Variants in CDK8 observed in about 807,000 individuals in gnomAD.
CDK8 encodes cyclin dependent kinase 8.
In CDK8, 29 loss-of-function variants were observed where a neutral mutation model predicts 71.5. The observed-to-expected ratio is 0.41, with a 90% confidence interval of 0.30 to 0.55. The LOEUF (loss-of-function observed/expected upper bound fraction) is 0.55, where lower values mean the gene tolerates loss of function less well. CDK8 is among the 20% of genes least tolerant of loss of function. The pLI is 0.37. For synonymous variants in CDK8, 161 were observed against 192.1 expected (o/e 0.84, Z 1.34); for missense variants, 288 against 572.6 (o/e 0.50, Z 5.07).
intron 4 of CDK8, among the ~76,000 whole-genome samples, chr13:26,370,069 T>C (rs1166389601): frequency 6.6e-6 from 1 of 152,212 alleles, no homozygotes; most frequent in Non-Finnish European, 1.5e-5. Context: ...GCAGATAGTT[T>C]CACTGTTGCT....
At chr13:26,362,529 A>G (rs1874196641) in intron 4 of CDK8, among the ~76,000 whole-genome samples, 1 of 152,164 alleles carries the variant, frequency 6.6e-6, no homozygotes, top group Non-Finnish European at 1.5e-5. Context: ...GATTTCCAAG[A>G]GCAGGAGAAG....
chr13:26,382,088 C>T (rs186412851), intron 4 of CDK8, among the ~76,000 whole-genome samples: 3 of 152,254 alleles, frequency 2.0e-5, no homozygotes, highest in Admixed American at 1.3e-4. Flanking sequence ...TCATCCCCTC[C>T]TTACTCCTTC....
At chr13:26,256,089 A>G (rs1871510748) in intron 1 of CDK8, among the ~76,000 whole-genome samples, 1 of 152,202 alleles carries the variant, frequency 6.6e-6, no homozygotes, top group Non-Finnish European at 1.5e-5. Context: ...TAGTGCTTTT[A>G]TGCAACAGTA....
chr13:26,392,355 T>A (rs1254090357), intron 6 of CDK8, among the ~76,000 whole-genome samples: 1 of 132,774 alleles, frequency 7.5e-6, no homozygotes, highest in Non-Finnish European at 1.5e-5. Context: ...TGAGACGGAG[T>A]CTTGCTCTGT....
chr13:26,285,370 T>C lies in CDK8; in HGVS notation c.128+30601T>C, dbSNP rs183075674. Among the ~76,000 whole-genome samples, 6 of 152,336 alleles carry C rather than the reference T, an allele frequency of 3.9e-5. No individual in the cohort carries two copies. In the East Asian group the frequency reaches 1.2e-3, roughly 29 times the overall value. On this transcript the variant is annotated intron_variant, in intron 1 of 12. Coordinates refer to ENST00000381527, the MANE Select transcript of CDK8 (RefSeq NM_001260.3). ...GAATTAACACATGGAAGTCAATAAA[T>C]GTGATCCATCACATAAACAGAATTA...
intron 1 of CDK8, among the ~76,000 whole-genome samples, chr13:26,312,955 T>C (rs1593256543): frequency 6.6e-6 from 1 of 152,222 alleles, no homozygotes; most frequent in Non-Finnish European, 1.5e-5. Flanking sequence ...GTCTCTAGTC[T>C]TCATTTCTCT....
chr13:26,389,641 C>T (rs1159864548), intron 6 of CDK8, among the ~76,000 whole-genome samples: 2 of 152,058 alleles, frequency 1.3e-5, no homozygotes, highest in African/African-American at 4.8e-5. Flanking sequence ...TTGGGGAACA[C>T]TTTCTTCTAT....
intron 1 of CDK8, among the ~76,000 whole-genome samples, chr13:26,323,312 AG>A: frequency 7.5e-6 from 1 of 133,726 alleles, no homozygotes; most frequent in Admixed American, 8.5e-5. Context: ...AGAGAGAGAG[AG>A]AGAGAGAGAG....
At chr13:26,316,855 A>G (rs1236618966) in intron 1 of CDK8, among the ~76,000 whole-genome samples, 1 of 152,218 alleles carries the variant, frequency 6.6e-6, no homozygotes, top group African/African-American at 2.4e-5. Context: ...TTCCTTGAAA[A>G]AGACCTGATG....
intron 4 of CDK8, among the ~76,000 whole-genome samples, chr13:26,380,289 C>T (rs552344952): frequency 6.6e-6 from 1 of 152,256 alleles, no homozygotes; most frequent in South Asian, 2.1e-4. Flanking sequence ...AAGTGATTCT[C>T]CTGCCTCAGC....
chr13:26,259,277 C>T (rs912719825), intron 1 of CDK8, among the ~76,000 whole-genome samples: 1 of 152,078 alleles, frequency 6.6e-6, no homozygotes. Flanking sequence ...ATTCAAGCAA[C>T]TGTGGTTCAA....
intron 1 of CDK8, among the ~76,000 whole-genome samples, chr13:26,311,682 G>A (rs1433388136): frequency 1.3e-5 from 2 of 152,086 alleles, no homozygotes; most frequent in Non-Finnish European, 2.9e-5. Flanking sequence ...TAAGCCTCCC[G>A]CTTCATCTCC....
chr13:26,399,470 T>G (rs558397536), intron 9 of CDK8, among the ~76,000 whole-genome samples: 3 of 152,308 alleles, frequency 2.0e-5, no homozygotes, highest in African/African-American at 7.2e-5. Flanking sequence ...CAGCAGTCTG[T>G]TTTAAGAAGT....
intron 5 of CDK8, among the ~76,000 whole-genome samples, chr13:26,384,592 A>G (rs752079919): frequency 2.0e-5 from 3 of 152,222 alleles, no homozygotes; most frequent in East Asian, 1.9e-4. Flanking sequence ...GCTCTGAGGT[A>G]TGAGTATGTA....
intron 1 of CDK8, among the ~76,000 whole-genome samples, chr13:26,312,404 G>A (rs1565967896): frequency 6.6e-6 from 1 of 152,170 alleles, no homozygotes; most frequent in Non-Finnish European, 1.5e-5. Context: ...TTTATGAGCT[G>A]TAACACTCAC....
intron 4 of CDK8, among the ~76,000 whole-genome samples, chr13:26,356,355 C>A (rs894816809): frequency 2.4e-4 from 36 of 152,158 alleles, no homozygotes; most frequent in African/African-American, 8.2e-4. Context: ...TTTATTAATC[C>A]AAAAAGTTCT....
intron 4 of CDK8, among the ~76,000 whole-genome samples, chr13:26,361,331 T>C (rs1874128109): frequency 6.6e-6 from 1 of 152,216 alleles, no homozygotes; most frequent in South Asian, 2.1e-4. Context: ...TGTCATAATA[T>C]ATTTATGGAT....
chr13:26,279,108 A>G (rs1872651993), intron 1 of CDK8, among the ~76,000 whole-genome samples: 1 of 152,002 alleles, frequency 6.6e-6, no homozygotes, highest in South Asian at 2.1e-4. Context: ...AATTTGTCCT[A>G]TAACGAACCC....
chr13:26,263,042 G>T (rs1302138481), intron 1 of CDK8, among the ~76,000 whole-genome samples: 1 of 152,108 alleles, frequency 6.6e-6, no homozygotes, highest in East Asian at 1.9e-4. Context: ...AGGACTAAAG[G>T]GATTGAATAA....
Sources: allele counts gnomAD v4.1 joint callset (sites outside exome capture counted in the v4.1 genomes callset), GRCh38; gene constraint gnomAD v4.1.1; transcripts MANE v1.5; gene names NCBI Gene and HGNC (gene_info 2026-07-23, HGNC 2026-07-21).